SLC35D4: variants seen among roughly 807,000 people sequenced by gnomAD.
SLC35D4 encodes the protein UDP-N-acetylglucosamine transporter SLC35D4.
the SLC35D4 span, among the ~76,000 whole-genome samples, chr18:23,400,835 A>G: frequency 6.6e-6 from 1 of 152,216 alleles, no homozygotes; most frequent in Admixed American, 6.5e-5. Flanking sequence ...ATCCAAGATC[A>G]GGTCTGATCT....
At chr18:23,282,656 C>T in the SLC35D4 span, among the ~76,000 whole-genome samples, 1 of 152,184 alleles carries the variant, frequency 6.6e-6, no homozygotes, top group African/African-American at 2.4e-5. Context: ...TCTGGTTTGT[C>T]CACAACCCAG....
chr18:23,346,065 GT>G, the SLC35D4 span, among the ~76,000 whole-genome samples: 2 of 151,702 alleles, frequency 1.3e-5, no homozygotes, highest in African/African-American at 4.8e-5. Flanking sequence ...GAGGCCAGGA[GT>G]TTGAAACTAG....
At chr18:23,422,068 C>T in the SLC35D4 span, among the ~76,000 whole-genome samples, 5 of 152,084 alleles carry the variant, frequency 3.3e-5, no homozygotes, top group African/African-American at 9.7e-5. Flanking sequence ...CCCAAATCCC[C>T]GTTCTCACTT....
the SLC35D4 span, among the ~76,000 whole-genome samples, chr18:23,355,498 C>T: frequency 3.3e-5 from 5 of 151,984 alleles, no homozygotes; most frequent in East Asian, 1.9e-4. Flanking sequence ...ACAGGAACTA[C>T]GAAAGTGAAT....
At chr18:23,379,125 C>CTT in the SLC35D4 span, among the ~76,000 whole-genome samples, 974 of 139,354 alleles carry the variant, frequency 7.0e-3, 11 homozygotes, top group African/African-American at 0.023. Context: ...CTCAAAAATT[C>CTT]TTTTTTTTTT....
the SLC35D4 span, among the ~76,000 whole-genome samples, chr18:23,397,572 C>T: frequency 9.1e-3 from 1,378 of 152,264 alleles, 24 homozygotes; most frequent in African/African-American, 0.031. Flanking sequence ...GGTTTCTACC[C>T]CAAGACTTTT....
At chr18:23,248,525 TTTTTTTTTTTTTTA>T in the SLC35D4 span, among the ~76,000 whole-genome samples, 2 of 136,094 alleles carry the variant, frequency 1.5e-5, no homozygotes, top group African/African-American at 2.7e-5. Context: ...TTTTTTTTTT[TTTTTTTTTTTTTTA>T]AAAAAAGGCT....
the SLC35D4 span, among the ~76,000 whole-genome samples, chr18:23,434,372 G>A: frequency 6.6e-6 from 1 of 151,974 alleles, no homozygotes; most frequent in Non-Finnish European, 1.5e-5. Context: ...TACATTCTCG[G>A]GACCCTTGGT....
chr18:23,297,859 G>A, the SLC35D4 span: 3 of 874,964 alleles, frequency 3.4e-6, no homozygotes, highest in Non-Finnish European at 5.3e-6. Flanking sequence ...CTTGGGTGAG[G>A]GTGATGGCAC....
chr18:23,342,580 G>C, the SLC35D4 span, among the ~76,000 whole-genome samples: 1 of 151,918 alleles, frequency 6.6e-6, no homozygotes, highest in African/African-American at 2.4e-5. Context: ...CATTTCTCTT[G>C]GGTAGATTCT....
At chr18:23,257,868 G>C in the SLC35D4 span, 2 of 152,806 alleles carry the variant, frequency 1.3e-5, no homozygotes, top group African/African-American at 4.8e-5. Flanking sequence ...TGGGGCGTGT[G>C]GGTGTGTGAA....
chr18:23,267,865 G>A, the SLC35D4 span, among the ~76,000 whole-genome samples: 482 of 152,292 alleles, frequency 3.2e-3, 4 homozygotes, highest in Admixed American at 6.5e-3. Flanking sequence ...CATGTGCACT[G>A]AACAGAGTCC....
the SLC35D4 span, among the ~76,000 whole-genome samples, chr18:23,427,627 C>T: frequency 2.0e-5 from 3 of 151,900 alleles, no homozygotes; most frequent in Non-Finnish European, 2.9e-5. Context: ...CTCAAGGATC[C>T]AGAACTAGAA....
chr18:23,437,907 C>T, the SLC35D4 span: 1 of 1,549,400 alleles, frequency 6.5e-7, no homozygotes, highest in Non-Finnish European at 8.7e-7. Flanking sequence ...ATCCCCTGGC[C>T]GCCGCCCGAC....
At chr18:23,350,717 C>G in the SLC35D4 span, among the ~76,000 whole-genome samples, 4 of 152,102 alleles carry the variant, frequency 2.6e-5, no homozygotes, top group Admixed American at 2.6e-4. Flanking sequence ...CATGCACCAC[C>G]GAGTTGGCCT....
chr18:23,343,924 GT>G, the SLC35D4 span, among the ~76,000 whole-genome samples: 1 of 149,236 alleles, frequency 6.7e-6, no homozygotes, highest in African/African-American at 2.5e-5. Flanking sequence ...TTGAGATGGA[GT>G]TTCGCTCTTG....
At chr18:23,341,606 T>C in the SLC35D4 span, among the ~76,000 whole-genome samples, 1 of 152,212 alleles carries the variant, frequency 6.6e-6, no homozygotes, top group African/African-American at 2.4e-5. Context: ...AATGACATCA[T>C]GGGAATGCTG....
the SLC35D4 span, chr18:23,297,908 G>T: frequency 7.0e-7 from 1 of 1,420,664 alleles, no homozygotes; most frequent in Non-Finnish European, 9.8e-7. Context: ...TCCTCTTTCT[G>T]ACACATCCAA....
At chr18:23,432,634 T>C in the SLC35D4 span, among the ~76,000 whole-genome samples, 92,592 of 148,568 alleles carry the variant, frequency 0.62, 29,178 homozygotes, top group Admixed American at 0.73. Context: ...TGAGCCGAGA[T>C]TGAGCCACTG....
Sources: gnomAD v4.1 joint callset for allele counts (sites outside exome capture counted in the v4.1 genomes callset) on GRCh38, gnomAD v4.1.1 for gene constraint, MANE v1.5 for transcripts, NCBI Gene and HGNC (gene_info 2026-07-23, HGNC 2026-07-21) for gene names.